The following PPRC1 variants were observed in gnomAD, a reference collection of about 807,000 sequenced individuals.
PPRC1 encodes peroxisome proliferator-activated receptor gamma coactivator-related protein 1.
Under a neutral mutation model 132.5 loss-of-function variants are expected in PPRC1, and 23 were observed. The ratio of observed to expected loss-of-function variants is 0.17; its 90% CI spans 0.12 to 0.25. The LOEUF is 0.25. Ranked by LOEUF, PPRC1 falls within the 10% of genes least tolerant of loss-of-function variation. The pLI, the probability that PPRC1 is intolerant of heterozygous loss-of-function variation, is 1.00. For missense variants in PPRC1, 2,006 were observed against 2,089.1 expected (o/e 0.96, Z 0.78); for synonymous variants, 872 against 833.5 (o/e 1.05, Z -0.80).
Position 102,148,953 on chromosome 10 carries a change from C to T in PPRC1, c.4739+15C>T. 6.2e-7 allele frequency: 1 copy of T among 1,612,966 alleles called. No individual in the cohort carries two copies. Among genetic ancestry groups the T allele is most frequent in the Non-Finnish European group, 8.5e-7 (1 of 1,179,604 alleles). On this transcript the variant is annotated intron_variant, in intron 12 of 13. Coordinates refer to ENST00000278070, the MANE Select transcript of PPRC1 (RefSeq NM_015062.5). This position sits in a 1 kb window ranked among gnomAD's most constrained non-coding sequence, Gnocchi z 4.2. ...CGTGTCCAAGGGTAAGCTTGGGCCC[C>T]AGGCTCAGGATGTTCTTTCTATCCC...
intron 1 of PPRC1, among the ~76,000 whole-genome samples, chr10:102,136,222 C>T (rs17114381): frequency 0.091 from 13,795 of 151,926 alleles, 1,565 homozygotes; most frequent in African/African-American, 0.27. Flanking sequence ...TTTGCTTATT[C>T]TCTGGGCCTG....
intron 5 of PPRC1, 108 bp downstream of exon 5, chr10:102,142,112 GT>G (rs547976088): frequency 3.0e-6 from 4 of 1,326,076 alleles, no homozygotes; most frequent in Admixed American, 2.5e-5. Context: ...CTTTGGAGGA[GT>G]TTTTTTGTTT....
chr10:102,141,869 G>T lies in PPRC1; in HGVS notation c.3361G>T (p.Val1121Phe), dbSNP rs767622563. The change falls in exon 5 of 14, where the codon GTT becomes TTT. Residue 1121 changes from valine to phenylalanine, a missense_variant. Around this residue, in one of 2 missense-constraint regions of PPRC1, gnomAD observed 1,914 missense variants for 1,917.2 expected, o/e 1.00. Coordinates refer to ENST00000278070, the MANE Select transcript of PPRC1 (RefSeq NM_015062.5). ...EKPPLPATKAVPTPRQSTVPK... is the reference protein window; with the variant it reads ...EKPPLPATKAFPTPRQSTVPK... ...GCCCCCCTTGCCTGCTACCAAGGCT[G>T]TTCCCACACCAAGGCAGAGCACTGT... 3.1e-6 allele frequency: 5 copies of T among 1,614,150 alleles called. No individual in the cohort carries two copies. The highest frequency in any genetic ancestry group is 4.2e-6 in the Non-Finnish European group (5 of 1,180,020).
rs897592393 is a variant in PPRC1, at chr10:102,141,914, C to A, written c.3406C>A (p.His1136Asn). 2.5e-6 allele frequency: 4 copies of A among 1,614,046 alleles called. No homozygotes were observed. The African/African-American group carries it at 4.0e-5, about 16-fold the overall frequency. Residue 1136 changes from histidine to asparagine, a missense_variant, in exon 5 of 14, where the codon CAC (histidine) becomes AAC (asparagine). By Grantham distance (68) the His-to-Asn change is moderately conservative. Around this residue, in one of 2 missense-constraint regions of PPRC1, gnomAD observed 1,914 missense variants for 1,917.2 expected, o/e 1.00. Coordinates refer to ENST00000278070, the MANE Select transcript of PPRC1 (RefSeq NM_015062.5). ...QSTVPKLPAV[H>N]PARLRKLSFL... is the part of the protein sequence containing the mutation. ...CACTGTCCCCAAGCTGCCTGCTGTC[C>A]ACCCAGCCCGTCTAAGGAAGCTGTC... is the stretch of plus-strand genomic sequence containing the variant.
At chr10:102,130,431 A>C (rs1268348093), upstream of PPRC1, among the ~76,000 whole-genome samples, 3 of 148,414 alleles carry the variant, frequency 2.0e-5, no homozygotes, top group African/African-American at 7.5e-5. Flanking sequence ...AAAAAAAAAA[A>C]AAAAAAAAAA....
At position 102,145,748 on chromosome 10, in the gene PPRC1, C is replaced by T. The variant is rs180855504; in HGVS notation, c.3679+658C>T. The stretch of plus-strand genomic sequence containing the variant: ...GGCGTGATGGCGGGTGCCTGTAGTC[C>T]CAGCTACTTGGGAGGCTGAGGCAGG... On this transcript the variant is annotated intron_variant, in intron 8 of 13. Coordinates refer to ENST00000278070, the MANE Select transcript of PPRC1 (RefSeq NM_015062.5). 4.6e-3 allele frequency among the ~76,000 whole-genome samples: 698 copies of T among 152,016 alleles called. 9 individuals are homozygous for T. The highest frequency in any genetic ancestry group is 0.016 in the African/African-American group (667 of 41,424).
chr10:102,128,668 A>C (rs961937196), upstream of PPRC1, among the ~76,000 whole-genome samples: 6 of 147,314 alleles, frequency 4.1e-5, no homozygotes, highest in Admixed American at 6.9e-5. Context: ...GCTGGAGTGC[A>C]GTGGTGCAAT....
intron 1 of PPRC1, among the ~76,000 whole-genome samples, chr10:102,136,608 A>G (rs556935882): frequency 6.6e-6 from 1 of 152,196 alleles, no homozygotes; most frequent in Admixed American, 6.5e-5. Context: ...GTTTTAATCT[A>G]TTTTATTATT....
chr10:102,149,729 CAAA>C (rs34550400), intron 13 of PPRC1, among the ~76,000 whole-genome samples, 194 bp from the exon 14 acceptor site: 57 of 110,594 alleles, frequency 5.2e-4, no homozygotes, highest in Admixed American at 5.6e-4. Flanking sequence ...GAGACTGTCT[CAAA>C]AAAAAAAAAA....
chr10:102,136,338 G>A (rs2068721553), intron 1 of PPRC1, among the ~76,000 whole-genome samples: 1 of 152,072 alleles, frequency 6.6e-6, no homozygotes, highest in Admixed American at 6.5e-5. Flanking sequence ...GGGTGTGGAA[G>A]ACACCTGTTG....
intron 1 of PPRC1, among the ~76,000 whole-genome samples, chr10:102,134,441 T>A (rs890571904): frequency 6.6e-6 from 1 of 152,194 alleles, no homozygotes; most frequent in African/African-American, 2.4e-5. Flanking sequence ...GAGGGCTTCT[T>A]AAAAGTTTCC....
upstream of PPRC1, among the ~76,000 whole-genome samples, chr10:102,130,024 A>G (rs1327059507): frequency 6.6e-6 from 1 of 152,218 alleles, no homozygotes; most frequent in Non-Finnish European, 1.5e-5. Context: ...TCATATGACT[A>G]TTTTATACAG....
chr10:102,138,609 T>C lies in PPRC1; in HGVS notation c.343-10T>C. 1 of 1,613,616 alleles carries C rather than the reference T, an allele frequency of 6.2e-7. No homozygotes were observed. The highest frequency in any genetic ancestry group is 8.5e-7 in the Non-Finnish European group (1 of 1,179,682). ...GTTGGTAGGACCTTCTGGTTGTTTT[T>C]CTGGAGCAGAGCAGGTTATCTCTGG... On this transcript the variant is annotated splice_polypyrimidine_tract_variant and intron_variant, in intron 2 of 13. Transcript: ENST00000278070.
At chr10:102,143,170 G>C in intron 6 of PPRC1, 72 bp downstream of exon 6, 8 of 1,428,754 alleles carry the variant, frequency 5.6e-6, no homozygotes, top group Non-Finnish European at 6.9e-6. Flanking sequence ...CCCTGTAGTT[G>C]CTTAAACTAG....
chr10:102,144,128 T>A, intron 6 of PPRC1, 122 bp from the exon 7 acceptor site: 2 of 894,396 alleles, frequency 2.2e-6, no homozygotes, highest in Non-Finnish European at 3.8e-6. Context: ...TTTGGGGAGA[T>A]CCCAACAGGG....
chr10:102,121,418 TG>T, the PPRC1 span, among the ~76,000 whole-genome samples: 1 of 151,988 alleles, frequency 6.6e-6, no homozygotes, highest in Admixed American at 6.5e-5. Flanking sequence ...CTGTGGGCCG[TG>T]GGGGGTTGGA....
In PPRC1 at chr10:102,141,694, A is replaced by G; in HGVS notation, c.3186A>G (p.Ala1062=). ...PTKVEVKPVP[A]SPHPKHKVSA... The stretch of plus-strand genomic sequence containing the variant: ...AGGTGGAGGTCAAGCCAGTGCCTGC[A>G]TCTCCCCATCCGAAACACAAGGTGT... Residue 1062 remains alanine (A), a synonymous_variant, in exon 5 of 14, where the codon GCA becomes GCG. Coordinates refer to ENST00000278070, the MANE Select transcript of PPRC1 (RefSeq NM_015062.5). The G allele has an allele frequency of 1.2e-6, 2 of 1,614,032 alleles. No individual in the cohort carries two copies. Among genetic ancestry groups the G allele is most frequent in the Non-Finnish European group, 1.7e-6 (2 of 1,179,944 alleles).
chr10:102,138,200 G>A (rs1324958113), intron 2 of PPRC1, among the ~76,000 whole-genome samples, 162 bp downstream of exon 2: 4 of 152,168 alleles, frequency 2.6e-5, no homozygotes, highest in Non-Finnish European at 5.9e-5. Context: ...TGGGAATTAG[G>A]CTGCAGGCTG....
intron 8 of PPRC1, 129 bp from the exon 9 acceptor site, chr10:102,146,543 T>A (rs989029491): frequency 3.0e-6 from 4 of 1,325,512 alleles, no homozygotes; most frequent in Non-Finnish European, 4.1e-6. Context: ...GTGGGAAAAG[T>A]TGGGCTGCTT....
Sources: gnomAD v4.1 joint callset for allele counts (sites outside exome capture counted in the v4.1 genomes callset) on GRCh38, gnomAD v4.1.1 for gene constraint, gnomAD v4.1.1 regional missense constraint, Gnocchi (gnomAD v3.1) non-coding constraint, MANE v1.5 for transcripts, NCBI Gene and HGNC (gene_info 2026-07-23, HGNC 2026-07-21) for gene names.